MMP16: variants seen among roughly 807,000 people sequenced by gnomAD.
MMP16 encodes the protein matrix metallopeptidase 16.
In MMP16, 12 loss-of-function variants were observed where a neutral mutation model predicts 67.8. That is an observed-to-expected ratio of 0.18 (90% confidence interval 0.11 to 0.29). MMP16 has a LOEUF of 0.29. Among genes scored for constraint, MMP16 ranks in the 10% least tolerant of loss-of-function variants. The pLI, the probability that MMP16 is intolerant of heterozygous loss-of-function variation, is 1.00. For missense variants in MMP16, 475 were observed against 765.7 expected (o/e 0.62, Z 4.48); for synonymous variants, 249 against 255.9 (o/e 0.97, Z 0.26).
chr8:88,305,673 G>T (rs1586011182), intron 1 of MMP16, among the ~76,000 whole-genome samples: 1 of 152,298 alleles, frequency 6.6e-6, no homozygotes, highest in South Asian at 2.1e-4. Flanking sequence ...TGAATAACCT[G>T]CTCCTGAATG....
intron 1 of MMP16, among the ~76,000 whole-genome samples, chr8:88,258,564 C>T (rs867694435): frequency 6.6e-6 from 1 of 152,252 alleles, no homozygotes; most frequent in Middle Eastern, 3.4e-3. Flanking sequence ...CCAAATAAAA[C>T]CTCATATGAA....
intron 1 of MMP16, among the ~76,000 whole-genome samples, chr8:88,255,497 G>C (rs1200502422): frequency 6.6e-6 from 1 of 151,996 alleles, no homozygotes; most frequent in African/African-American, 2.4e-5. Flanking sequence ...ACACAAATTG[G>C]TATTACCTTA....
chr8:88,065,857 C>A (rs1308343567), intron 7 of MMP16, among the ~76,000 whole-genome samples: 1 of 152,112 alleles, frequency 6.6e-6, no homozygotes, highest in Admixed American at 6.6e-5. Flanking sequence ...TAAACCATTT[C>A]TTAACAAACA....
chr8:88,097,453 C>A (rs1324573775), intron 6 of MMP16, among the ~76,000 whole-genome samples: 1 of 151,456 alleles, frequency 6.6e-6, no homozygotes, highest in Non-Finnish European at 1.5e-5. Context: ...TGGCAAAACA[C>A]TGTCTCTACA....
At chr8:88,163,256 C>G (rs1744792885) in intron 4 of MMP16, among the ~76,000 whole-genome samples, 1 of 152,066 alleles carries the variant, frequency 6.6e-6, no homozygotes, top group Admixed American at 6.6e-5. Context: ...ACACATTTAA[C>G]TTAAATTAGG....
intron 1 of MMP16, among the ~76,000 whole-genome samples, chr8:88,301,283 T>C (rs1418938495): frequency 2.6e-5 from 4 of 152,134 alleles, no homozygotes; most frequent in Non-Finnish European, 5.9e-5. Context: ...CTCCTCCTCA[T>C]TTCCTCTTTT....
At chr8:88,305,467 C>A (rs912220721) in intron 1 of MMP16, among the ~76,000 whole-genome samples, 1 of 152,160 alleles carries the variant, frequency 6.6e-6, no homozygotes, top group Non-Finnish European at 1.5e-5. Flanking sequence ...GAACTCTCCA[C>A]CCCAAAACAA....
rs182576107 is a variant in MMP16 at position 88,303,187 on chromosome 8, G to A, written c.132+23888C>T. Among the ~76,000 whole-genome samples the A allele has an allele frequency of 5.9e-5, 9 of 152,294 alleles. No individual in the cohort carries two copies. The East Asian group carries it at 1.2e-3, about 20-fold the overall frequency. ...GATACAAAGCTACATACACCCGGGG[G>A]CGGGGCTGAATCCAGGGAGCCAGGC... On this transcript the variant is annotated intron_variant, in intron 1 of 9. Coordinates refer to ENST00000286614, the MANE Select transcript of MMP16 (RefSeq NM_005941.5).
At chr8:88,294,554 GTCTC>G (rs1255598568) in intron 1 of MMP16, among the ~76,000 whole-genome samples, 1 of 150,086 alleles carries the variant, frequency 6.7e-6, no homozygotes, top group East Asian at 2.0e-4. Flanking sequence ...ATGTATATAT[GTCTC>G]TATACACACA....
intron 1 of MMP16, among the ~76,000 whole-genome samples, chr8:88,210,197 TTGAG>T (rs1809492083): frequency 1.3e-5 from 2 of 152,068 alleles, no homozygotes; most frequent in African/African-American, 4.8e-5. Flanking sequence ...GCAGCCTGAA[TTGAG>T]TAAGACAAAG....
intron 1 of MMP16, among the ~76,000 whole-genome samples, chr8:88,221,257 A>G (rs1427558740): frequency 1.3e-5 from 2 of 152,140 alleles, no homozygotes; most frequent in East Asian, 3.9e-4. Context: ...CTTCCTCAAG[A>G]GACATCAAAT....
chr8:88,245,416 C>T (rs984093742), intron 1 of MMP16, among the ~76,000 whole-genome samples: 1 of 152,138 alleles, frequency 6.6e-6, no homozygotes, highest in Non-Finnish European at 1.5e-5. Context: ...TGGAAATCAA[C>T]AGCATTACAG....
intron 6 of MMP16, among the ~76,000 whole-genome samples, chr8:88,107,175 A>G (rs1809256787): frequency 6.6e-6 from 1 of 151,178 alleles, no homozygotes; most frequent in African/African-American, 2.4e-5. Flanking sequence ...TTTGCATAAC[A>G]GTAAGTTTTA....
chr8:88,326,114 C>T (rs1473432798), intron 1 of MMP16, among the ~76,000 whole-genome samples: 1 of 152,202 alleles, frequency 6.6e-6, no homozygotes, highest in Non-Finnish European at 1.5e-5. Context: ...GACATCAGAT[C>T]TAATCAAAAG....
chr8:88,053,506 C>T (rs1422011489), intron 8 of MMP16, among the ~76,000 whole-genome samples: 2 of 152,086 alleles, frequency 1.3e-5, no homozygotes, highest in Non-Finnish European at 2.9e-5. Flanking sequence ...TCACTAAAAT[C>T]CTTTTTGCTC....
intron 3 of MMP16, among the ~76,000 whole-genome samples, chr8:88,171,016 G>T (rs1808791732): frequency 6.6e-6 from 1 of 152,120 alleles, no homozygotes; most frequent in African/African-American, 2.4e-5. Flanking sequence ...ATATGTAATG[G>T]AGAAATTGAT....
At chr8:88,234,666 A>C (rs957158335) in intron 1 of MMP16, among the ~76,000 whole-genome samples, 1 of 152,322 alleles carries the variant, frequency 6.6e-6, no homozygotes, top group East Asian at 1.9e-4. Context: ...ACCTTTACTT[A>C]CACATGCAAT....
At chr8:88,117,960 A>G (rs1809464890) in intron 5 of MMP16, among the ~76,000 whole-genome samples, 1 of 152,070 alleles carries the variant, frequency 6.6e-6, no homozygotes. Context: ...CTTTGCAACT[A>G]TGTGTGAAAT....
Position 88,118,710 on chromosome 8 carries a change from C to T in MMP16, c.861G>A (p.Gln287=). Residue 287 remains glutamine (Q), a synonymous_variant, in exon 5 of 10, where the codon CAG becomes CAA. Coordinates refer to ENST00000286614, the MANE Select transcript of MMP16 (RefSeq NM_005941.5). ...ACAGTAGTAACCTACCATATATCTT[C>T]TGGATGCCCTGTAAATCATCATTAG... ...KLPNDDLQGI[Q]KIYGPPDKIP... 6.2e-7 allele frequency: 1 copy of T among 1,613,032 alleles called. No homozygotes were observed. The highest frequency in any genetic ancestry group is 8.5e-7 in the Non-Finnish European group (1 of 1,179,302).
Sources: allele counts gnomAD v4.1 joint callset (sites outside exome capture counted in the v4.1 genomes callset), GRCh38; gene constraint gnomAD v4.1.1; transcripts MANE v1.5; gene names NCBI Gene and HGNC (gene_info 2026-07-23, HGNC 2026-07-21).